The following ALK variants were observed in gnomAD, a reference collection of about 807,000 sequenced individuals.
The protein encoded by ALK is ALK tyrosine kinase receptor.
A neutral mutation model predicts 163.1 loss-of-function variants in ALK; 74 were observed. The observed-to-expected ratio is 0.45, with a 90% CI of 0.38 to 0.55. The LOEUF is 0.55. Ranked by LOEUF, ALK falls within the 20% of genes least tolerant of loss-of-function variation. The probability of loss-of-function intolerance (pLI) is 0.00; values close to 1 mark genes in which losing one functional copy is unlikely to be tolerated. For synonymous variants in ALK, 960 were observed against 843.2 expected (o/e 1.14, Z -2.40); for missense variants, 2,063 against 2,105.3 (o/e 0.98, Z 0.39).
chr2:29,679,043 T>C (rs1455392810), intron 3 of ALK, among the ~76,000 whole-genome samples: 1 of 151,934 alleles, frequency 6.6e-6, no homozygotes, highest in Non-Finnish European at 1.5e-5. Context: ...ATGTGTTTTG[T>C]GGCCCTGTTG....
At chr2:29,408,771 G>A (rs1301584373) in intron 4 of ALK, among the ~76,000 whole-genome samples, 1 of 152,134 alleles carries the variant, frequency 6.6e-6, no homozygotes, top group Non-Finnish European at 1.5e-5. Context: ...ATGAGTTTCA[G>A]GCTGAGAAGG....
intron 3 of ALK, among the ~76,000 whole-genome samples, chr2:29,591,686 G>T (rs1022809550): frequency 6.6e-6 from 1 of 152,144 alleles, no homozygotes; most frequent in African/African-American, 2.4e-5. Flanking sequence ...GGCTAACAAC[G>T]AGAGAGAAAT....
intron 19 of ALK, 35 bp downstream of exon 19, chr2:29,225,426 C>T (rs368299771): frequency 1.5e-5 from 24 of 1,556,168 alleles, no homozygotes; most frequent in Non-Finnish European, 2.0e-5. Flanking sequence ...TGCCTTCCTG[C>T]CCCCTTGGGA....
At chr2:29,810,154 G>A (rs1001338283) in intron 1 of ALK, among the ~76,000 whole-genome samples, 4 of 152,152 alleles carry the variant, frequency 2.6e-5, no homozygotes, top group Non-Finnish European at 5.9e-5. Context: ...GGACATGGTG[G>A]CTCATGTGTG....
chr2:29,718,903 G>A (rs1279320527), intron 1 of ALK, among the ~76,000 whole-genome samples: 6 of 152,238 alleles, frequency 3.9e-5, no homozygotes, highest in Non-Finnish European at 7.3e-5. Context: ...GGCAGCAGGA[G>A]TAGCAGAGGC....
intron 1 of ALK, among the ~76,000 whole-genome samples, chr2:29,795,085 A>G (rs1664273998): frequency 6.6e-6 from 1 of 152,182 alleles, no homozygotes; most frequent in Admixed American, 6.5e-5. Flanking sequence ...CAAACGTAGT[A>G]GATGGAGGGT....
At chr2:29,251,730 T>C (rs1229018567) in intron 11 of ALK, among the ~76,000 whole-genome samples, 2 of 152,334 alleles carry the variant, frequency 1.3e-5, no homozygotes, top group African/African-American at 4.8e-5. Context: ...ATCTGTGCTA[T>C]AGTTGACTGC....
At chr2:29,295,519 AC>A (rs2148229955) in intron 9 of ALK, among the ~76,000 whole-genome samples, 1 of 152,248 alleles carries the variant, frequency 6.6e-6, no homozygotes, top group East Asian at 1.9e-4. Context: ...TCCTGGGGTC[AC>A]TGATCCTTGG....
intron 1 of ALK, among the ~76,000 whole-genome samples, chr2:29,736,644 C>T (rs887802631): frequency 6.6e-6 from 1 of 151,934 alleles, no homozygotes; most frequent in Non-Finnish European, 1.5e-5. Flanking sequence ...CTCCCCTTAC[C>T]CCAGTATCTA....
At chr2:29,682,736 T>C (rs1436183845) in intron 3 of ALK, among the ~76,000 whole-genome samples, 3 of 152,224 alleles carry the variant, frequency 2.0e-5, no homozygotes, top group East Asian at 1.9e-4. Context: ...TTTAGTGTCA[T>C]GGCAATATAT....
chr2:29,709,550 A>T (rs1388833192), intron 2 of ALK, among the ~76,000 whole-genome samples: 1 of 152,224 alleles, frequency 6.6e-6, no homozygotes, highest in Non-Finnish European at 1.5e-5. Context: ...CTTAACGTCT[A>T]GGAAGAGTGA....
intron 4 of ALK, among the ~76,000 whole-genome samples, chr2:29,459,008 T>G (rs1408381435): frequency 1.3e-5 from 2 of 152,138 alleles, no homozygotes; most frequent in African/African-American, 4.8e-5. Context: ...TGGGAAATGT[T>G]TCAAAATATA....
chr2:29,587,153 G>T (rs781119999), intron 3 of ALK, among the ~76,000 whole-genome samples: 6 of 152,210 alleles, frequency 3.9e-5, no homozygotes, highest in Non-Finnish European at 5.9e-5. Context: ...TTTCCCCTTG[G>T]GGGAGGGGTA....
At chr2:29,847,496 A>G (rs4483997) in intron 1 of ALK, among the ~76,000 whole-genome samples, 139,267 of 152,224 alleles carry the variant, frequency 0.91, 63,849 homozygotes, top group East Asian at 1. Context: ...TGAAGTACAG[A>G]CAAGCAGGAA....
chr2:29,515,586 T>C (rs769307883), intron 4 of ALK, among the ~76,000 whole-genome samples: 1 of 151,988 alleles, frequency 6.6e-6, no homozygotes, highest in African/African-American at 2.4e-5. Context: ...GGGGGAGGCA[T>C]AATGGGATCA....
chr2:29,678,560 A>T (rs910482807), intron 3 of ALK, among the ~76,000 whole-genome samples: 1 of 151,186 alleles, frequency 6.6e-6, no homozygotes, highest in African/African-American at 2.4e-5. Flanking sequence ...TTTGATGTTT[A>T]TTTAGAAGTT....
intron 4 of ALK, among the ~76,000 whole-genome samples, chr2:29,499,676 C>G (rs1672118366): frequency 6.6e-6 from 1 of 152,142 alleles, no homozygotes; most frequent in South Asian, 2.1e-4. Context: ...AACCCCAGCT[C>G]TCCTCTTCCA....
chr2:29,656,655 G>C (rs1440308560), intron 3 of ALK, among the ~76,000 whole-genome samples: 4 of 152,134 alleles, frequency 2.6e-5, no homozygotes, highest in Non-Finnish European at 5.9e-5. Context: ...ACACAAAGAA[G>C]TTAGATGTCC....
At chr2:29,802,269 A>G (rs571954775) in intron 1 of ALK, among the ~76,000 whole-genome samples, 2 of 146,210 alleles carry the variant, frequency 1.4e-5, no homozygotes, top group South Asian at 4.5e-4. Flanking sequence ...TTGCTTATCA[A>G]GAGAAAGAGG....
Sources: gnomAD v4.1 joint callset for allele counts (sites outside exome capture counted in the v4.1 genomes callset) on GRCh38, gnomAD v4.1.1 for gene constraint, MANE v1.5 for transcripts, NCBI Gene and HGNC (gene_info 2026-07-23, HGNC 2026-07-21) for gene names.